LRRC4C: variants seen among roughly 807,000 people sequenced by gnomAD.
The protein encoded by LRRC4C is leucine rich repeat containing 4C.
In LRRC4C, 5 loss-of-function variants were observed where a neutral mutation model predicts 33.6. That is an observed-to-expected ratio of 0.15 (90% confidence interval 0.08 to 0.31). LRRC4C has a LOEUF of 0.31. Ranked by LOEUF, LRRC4C falls within the 10% of genes least tolerant of loss-of-function variation. LRRC4C has a pLI of 1.00. For synonymous variants in LRRC4C, 329 were observed against 302.0 expected (o/e 1.09, Z -0.93); for missense variants, 560 against 796.7 (o/e 0.70, Z 3.58).
chr11:41,328,463 C>A, intron 1 of LRRC4C, among the ~76,000 whole-genome samples: 1 of 151,886 alleles, frequency 6.6e-6, no homozygotes, highest in African/African-American at 2.4e-5. Context: ...GTGTACCTAG[C>A]GTGGGTTAAG....
At chr11:41,009,429 A>C (rs1855010688) in intron 1 of LRRC4C, among the ~76,000 whole-genome samples, 1 of 152,124 alleles carries the variant, frequency 6.6e-6, no homozygotes, top group African/African-American at 2.4e-5. Flanking sequence ...GATTAGAGAC[A>C]CTGATGTTTT....
At chr11:41,223,327 G>A (rs1219700872) in intron 1 of LRRC4C, among the ~76,000 whole-genome samples, 1 of 152,158 alleles carries the variant, frequency 6.6e-6, no homozygotes, top group East Asian at 1.9e-4. Context: ...GACTTTTACT[G>A]AGAAGCAGAC....
chr11:40,888,658 A>G (rs539935696), intron 2 of LRRC4C, among the ~76,000 whole-genome samples: 1 of 152,156 alleles, frequency 6.6e-6, no homozygotes, highest in South Asian at 2.1e-4. Flanking sequence ...TGGAAACCAT[A>G]GCTAATTTAT....
At chr11:41,147,243 T>G (rs1347929617) in intron 1 of LRRC4C, among the ~76,000 whole-genome samples, 1 of 152,220 alleles carries the variant, frequency 6.6e-6, no homozygotes, top group Non-Finnish European at 1.5e-5. Flanking sequence ...GAGCTCACAC[T>G]AGGTAAAACA....
At chr11:40,403,161 A>G (rs1469749970) in intron 3 of LRRC4C, among the ~76,000 whole-genome samples, 1 of 152,048 alleles carries the variant, frequency 6.6e-6, no homozygotes, top group East Asian at 1.9e-4. Flanking sequence ...AATAATTTAC[A>G]CTGTCCCATA....
Position 40,114,811 on chromosome 11 carries a change from T to G in LRRC4C, c.1482A>C (p.Thr494=), listed in dbSNP as rs775577839. 2 of 1,614,158 alleles carry G rather than the reference T, an allele frequency of 1.2e-6. No homozygotes were observed. Among genetic ancestry groups the G allele is most frequent in the African/African-American group, 2.7e-5 (2 of 75,048 alleles). The change falls in exon 7 of 7, where the codon ACA becomes ACC. Residue 494 remains threonine, a synonymous_variant. Transcript: ENST00000528697. ...TCTCTGTCGACCTTGTGCTCTGTGGTGTGAGAGAGGTGGTCACATTGGTGG... is the reference window on the plus strand; with the variant it reads ...TCTCTGTCGACCTTGTGCTCTGTGGGGTGAGAGAGGTGGTCACATTGGTGG... ...WETTNVTTSL[T]PQSTRSTEKT...
chr11:40,117,911 G>A (rs537412960), intron 6 of LRRC4C, among the ~76,000 whole-genome samples: 1 of 151,286 alleles, frequency 6.6e-6, no homozygotes, highest in Admixed American at 6.6e-5. Flanking sequence ...ACAGAAAAAG[G>A]ACTTAGAACA....
intron 1 of LRRC4C, among the ~76,000 whole-genome samples, chr11:41,085,432 T>C (rs1939897000): frequency 6.6e-6 from 1 of 152,090 alleles, no homozygotes; most frequent in African/African-American, 2.4e-5. Context: ...ATAGTGAGAG[T>C]TAATATTGAC....
At chr11:40,869,029 C>A (rs899851521) in intron 2 of LRRC4C, among the ~76,000 whole-genome samples, 1 of 152,172 alleles carries the variant, frequency 6.6e-6, no homozygotes, top group East Asian at 1.9e-4. Flanking sequence ...TACTTTTAAA[C>A]ACAGTATCTC....
intron 3 of LRRC4C, among the ~76,000 whole-genome samples, chr11:40,563,990 A>T (rs1957655972): frequency 6.6e-6 from 1 of 152,168 alleles, no homozygotes; most frequent in African/African-American, 2.4e-5. Context: ...GGGATATGCT[A>T]GGCCTGATAA....
At chr11:40,259,162 T>G (rs1867468934) in intron 4 of LRRC4C, among the ~76,000 whole-genome samples, 2 of 152,220 alleles carry the variant, frequency 1.3e-5, no homozygotes, top group Admixed American at 1.3e-4. Flanking sequence ...GACTGCACTC[T>G]TAAAAATACC....
intron 3 of LRRC4C, among the ~76,000 whole-genome samples, chr11:40,368,553 C>G (rs1948314851): frequency 6.6e-6 from 1 of 152,158 alleles, no homozygotes; most frequent in African/African-American, 2.4e-5. Flanking sequence ...CTAAGGGCTT[C>G]CAGTTCCTGA....
At chr11:40,408,811 T>C (rs1218837067) in intron 3 of LRRC4C, among the ~76,000 whole-genome samples, 1 of 151,928 alleles carries the variant, frequency 6.6e-6, no homozygotes. Context: ...ATTGAAAGAA[T>C]ATGTTAAAAT....
intron 2 of LRRC4C, among the ~76,000 whole-genome samples, chr11:40,717,770 G>A (rs1237556754): frequency 6.6e-6 from 1 of 152,064 alleles, no homozygotes; most frequent in African/African-American, 2.4e-5. Context: ...AAATAGCAGG[G>A]GGAATATTAA....
At chr11:41,147,589 G>A (rs982514915) in intron 1 of LRRC4C, among the ~76,000 whole-genome samples, 2 of 152,080 alleles carry the variant, frequency 1.3e-5, no homozygotes, top group African/African-American at 4.8e-5. Context: ...AATTATAATT[G>A]TATACATTTA....
intron 3 of LRRC4C, among the ~76,000 whole-genome samples, chr11:40,438,092 A>G (rs1373047834): frequency 6.6e-6 from 1 of 152,076 alleles, no homozygotes; most frequent in African/African-American, 2.4e-5. Flanking sequence ...TGTTGACCTT[A>G]CCTCTGGCAA....
At chr11:40,702,609 C>T (rs1945923958) in intron 2 of LRRC4C, among the ~76,000 whole-genome samples, 1 of 152,148 alleles carries the variant, frequency 6.6e-6, no homozygotes, top group Non-Finnish European at 1.5e-5. Flanking sequence ...TCCCTGTCCT[C>T]ATGAGCACAA....
At chr11:40,217,571 A>G (rs1864066039) in intron 5 of LRRC4C, among the ~76,000 whole-genome samples, 1 of 152,158 alleles carries the variant, frequency 6.6e-6, no homozygotes, top group South Asian at 2.1e-4. Context: ...CCAATCTGGT[A>G]TACAAATTAA....
At chr11:40,729,668 T>C (rs565599280) in intron 2 of LRRC4C, among the ~76,000 whole-genome samples, 57 of 152,300 alleles carry the variant, frequency 3.7e-4, no homozygotes, top group Non-Finnish European at 7.6e-4. Context: ...ACACTGAAAG[T>C]TCATTGGTTT....
Sources: allele counts gnomAD v4.1 joint callset (sites outside exome capture counted in the v4.1 genomes callset), GRCh38; gene constraint gnomAD v4.1.1; transcripts MANE v1.5; gene names NCBI Gene and HGNC (gene_info 2026-07-23, HGNC 2026-07-21).